The following PXT1 variants were observed in gnomAD, a reference collection of about 807,000 sequenced individuals.
The protein encoded by PXT1 is peroxisomal testis-specific protein 1.
In PXT1, 11 loss-of-function variants were observed where a neutral mutation model predicts 11.0. That is an observed-to-expected ratio of 1.00 (90% CI 0.63 to 1.66). PXT1 has a LOEUF of 1.66. Ranked by LOEUF, PXT1 falls within the 40% of genes most tolerant of loss-of-function variation. The probability of loss-of-function intolerance (pLI) is 0.00; values close to 1 mark genes in which losing one functional copy is unlikely to be tolerated. For synonymous variants in PXT1, 43 were observed against 51.4 expected, an observed-to-expected ratio of 0.84 and a Z score of 0.70; for missense variants, 141 against 155.5, an observed-to-expected ratio of 0.91 and a Z score of 0.49.
At chr6:36,434,590 G>C (rs955081000) in intron 2 of PXT1, among the ~76,000 whole-genome samples, 1 of 152,116 alleles carries the variant, frequency 6.6e-6, no homozygotes, top group South Asian at 2.1e-4. Flanking sequence ...CCTTAGTTTT[G>C]ATGAAATAGT....
At chr6:36,408,760 A>G (rs1774326484) in intron 3 of PXT1, among the ~76,000 whole-genome samples, 1 of 150,930 alleles carries the variant, frequency 6.6e-6, no homozygotes, top group Admixed American at 6.6e-5. Context: ...TAGTGCCTGT[A>G]GTCCCAGCTA....
chr6:36,425,168 C>T (rs965245206), intron 3 of PXT1, among the ~76,000 whole-genome samples: 15 of 152,150 alleles, frequency 9.9e-5, no homozygotes, highest in African/African-American at 2.9e-4. Flanking sequence ...AGGAATCACA[C>T]ATTTTTGCAA....
At chr6:36,415,259 A>G (rs917165025) in intron 3 of PXT1, among the ~76,000 whole-genome samples, 9 of 152,096 alleles carry the variant, frequency 5.9e-5, no homozygotes, top group Admixed American at 2.0e-4. Context: ...CCTGGCCAAC[A>G]TGGTGAAACC....
At chr6:36,426,939 C>T (rs1296850500) in intron 2 of PXT1, among the ~76,000 whole-genome samples, 1 of 152,064 alleles carries the variant, frequency 6.6e-6, no homozygotes, top group East Asian at 1.9e-4. Flanking sequence ...ACTCTTCCGC[C>T]CCCTTTCCCT....
At chr6:36,400,387 C>T (rs1774196073) in intron 4 of PXT1, 67 bp downstream of exon 4, 1 of 1,572,426 alleles carries the variant, frequency 6.4e-7, no homozygotes, top group South Asian at 1.1e-5. Context: ...AGACACTTGG[C>T]AGCCGTAGTT....
At chr6:36,397,653 T>A (rs1053749341) in intron 4 of PXT1, among the ~76,000 whole-genome samples, 4 of 152,196 alleles carry the variant, frequency 2.6e-5, no homozygotes, top group African/African-American at 9.7e-5. Context: ...AATTCAAAAC[T>A]TTTGTACTTC....
chr6:36,422,099 G>A (rs569160554), intron 3 of PXT1, among the ~76,000 whole-genome samples: 61 of 152,048 alleles, frequency 4.0e-4, no homozygotes, highest in Non-Finnish European at 7.6e-4. Flanking sequence ...ATATTAATAT[G>A]TATTGTATAT....
intron 3 of PXT1, among the ~76,000 whole-genome samples, chr6:36,405,375 CTG>C (rs2127411811): frequency 7.1e-6 from 1 of 141,218 alleles, no homozygotes; most frequent in East Asian, 2.2e-4. Flanking sequence ...TGAAGAAAAA[CTG>C]TTTTTTTTTT....
chr6:36,420,323 A>C (rs1000783749), intron 3 of PXT1, among the ~76,000 whole-genome samples: 2 of 152,250 alleles, frequency 1.3e-5, no homozygotes, highest in African/African-American at 4.8e-5. Flanking sequence ...GTATATCCAC[A>C]CAATGGAATA....
At chr6:36,429,452 G>A (rs9470274) in intron 2 of PXT1, among the ~76,000 whole-genome samples, 56,273 of 135,906 alleles carry the variant, frequency 0.41, 13,000 homozygotes, top group African/African-American at 0.6. Context: ...TAGGTATCTT[G>A]TCATTATTAT....
intron 2 of PXT1, among the ~76,000 whole-genome samples, chr6:36,435,282 G>T (rs1302675541): frequency 1.3e-5 from 2 of 152,170 alleles, no homozygotes; most frequent in African/African-American, 2.4e-5. Context: ...ACCAGGCCAG[G>T]TGCAATGGCT....
At chr6:36,441,989 G>A (rs1271823383) in intron 1 of PXT1, among the ~76,000 whole-genome samples, 1 of 152,042 alleles carries the variant, frequency 6.6e-6, no homozygotes, top group Non-Finnish European at 1.5e-5. Flanking sequence ...TTTAAAATTT[G>A]TGCTATTATT....
At chr6:36,425,272 A>G (rs967358070) in intron 3 of PXT1, among the ~76,000 whole-genome samples, 3 of 152,172 alleles carry the variant, frequency 2.0e-5, no homozygotes, top group African/African-American at 7.2e-5. Flanking sequence ...CCTTAACAAT[A>G]CTGACACTGT....
At chr6:36,423,512 T>G (rs1411737706) in intron 3 of PXT1, among the ~76,000 whole-genome samples, 1 of 152,236 alleles carries the variant, frequency 6.6e-6, no homozygotes, top group African/African-American at 2.4e-5. Context: ...CGCGCGTAGC[T>G]CGCCTCGGGC....
chr6:36,393,904 C>T (rs965541665), intron 4 of PXT1, among the ~76,000 whole-genome samples: 10 of 151,730 alleles, frequency 6.6e-5, no homozygotes, highest in Admixed American at 2.0e-4. Flanking sequence ...TTAAAAACTC[C>T]GTGAGATCAG....
At chr6:36,392,136 T>G (rs1223545545) in intron 4 of PXT1, 1 of 379,902 alleles carries the variant, frequency 2.6e-6, no homozygotes, top group Non-Finnish European at 4.8e-6. Flanking sequence ...CAAGTGATTC[T>G]CCCACCTCGG....
At position 36,400,452 on chromosome 6, in the gene PXT1, A is replaced by G. The variant is rs764520393; in HGVS notation, c.300+2T>C. On this transcript the variant is annotated splice_donor_variant, in intron 4 of 4. Coordinates refer to ENST00000454782, the MANE Select transcript of PXT1 (RefSeq NM_152990.4). LOFTEE classifies it high-confidence loss of function. ...CCCTGGCTGGGGAAACTGAAGCCTC[A>G]CCTCTCGAACCATCCTATGATCAAT... 2.5e-6 allele frequency: 4 copies of G among 1,613,016 alleles called. No homozygotes were observed. The South Asian group carries it at 3.3e-5, about 13-fold the overall frequency.
intron 4 of PXT1, among the ~76,000 whole-genome samples, chr6:36,394,767 C>T (rs1026234312): frequency 6.6e-6 from 1 of 151,378 alleles, no homozygotes; most frequent in African/African-American, 2.4e-5. Context: ...ATACTTGAAC[C>T]AAAACCCCAC....
intron 3 of PXT1, among the ~76,000 whole-genome samples, chr6:36,410,269 G>A (rs1296769784): frequency 1.3e-5 from 2 of 152,052 alleles, no homozygotes; most frequent in African/African-American, 2.4e-5. Context: ...TGACCAACAC[G>A]GAAAAACCCT....
Sources: allele counts gnomAD v4.1 joint callset (sites outside exome capture counted in the v4.1 genomes callset), GRCh38; gene constraint gnomAD v4.1.1; transcripts MANE v1.5; gene names NCBI Gene and HGNC (gene_info 2026-07-23, HGNC 2026-07-21).